The following TRIO variants were observed in gnomAD, a reference collection of about 807,000 sequenced individuals.
TRIO encodes the protein triple functional domain protein.
In TRIO, 58 loss-of-function variants were observed where a neutral mutation model predicts 351.9. The observed-to-expected ratio is 0.16, with a 90% CI of 0.13 to 0.21. The LOEUF (loss-of-function observed/expected upper bound fraction) is 0.21. Ranked by LOEUF, TRIO falls within the 10% of genes least tolerant of loss-of-function variation. TRIO has a pLI of 1.00. For synonymous variants in TRIO, 1,758 were observed against 1,595.7 expected (o/e 1.10, Z -2.42); for missense variants, 3,201 against 4,027.8 (o/e 0.79, Z 5.56).
chr5:14,276,810 C>G (rs1441201606), intron 2 of TRIO, among the ~76,000 whole-genome samples: 1 of 152,210 alleles, frequency 6.6e-6, no homozygotes, highest in Non-Finnish European at 1.5e-5. Flanking sequence ...GTGAATCTAG[C>G]TGTTTCTGTG....
At chr5:14,170,162 T>G (rs986595153) in intron 1 of TRIO, among the ~76,000 whole-genome samples, 1 of 152,228 alleles carries the variant, frequency 6.6e-6, no homozygotes, top group Non-Finnish European at 1.5e-5. Context: ...ATAACATGTT[T>G]GGAAAGCCTT....
At chr5:14,399,141 A>G in intron 30 of TRIO, 71 bp downstream of exon 30, 1 of 1,400,422 alleles carries the variant, frequency 7.1e-7, no homozygotes, top group Admixed American at 1.7e-5. Context: ...GTAGAGAAGA[A>G]TTGTTCATTG....
Position 14,496,985 on chromosome 5 carries a change from C to T in TRIO, c.7987C>T (p.Arg2663Trp), listed in dbSNP as rs1367240779. The T allele has an allele frequency of 1.1e-5, 17 of 1,614,034 alleles. No individual in the cohort carries two copies. Among genetic ancestry groups the T allele is most frequent in the Middle Eastern group, 3.3e-4 (2 of 6,084 alleles). ...GKLENGYRKSREGLSNKVSVK... is the reference protein window; with the variant it reads ...GKLENGYRKSWEGLSNKVSVK... The stretch of plus-strand genomic sequence containing the variant: ...GTTAGAGAACGGTTATCGGAAGTCA[C>T]GGGAAGGACTCAGCAACAAGGTATC... The change falls in exon 50 of 57, where the codon CGG (arginine) becomes TGG (tryptophan). Residue 2663 changes from arginine (R) to tryptophan (W), a missense_variant. By Grantham distance (101) the Arg-to-Trp change is moderately radical. Transcript: ENST00000344204.
intron 12 of TRIO, 75 bp from the exon 13 acceptor site, chr5:14,359,282 T>G (rs112992261): frequency 6.5e-7 from 1 of 1,536,230 alleles, no homozygotes. Flanking sequence ...CCCTGAAGAT[T>G]TGCGTGGCCG....
intron 34 of TRIO, among the ~76,000 whole-genome samples, chr5:14,423,414 G>T (rs908860905): frequency 6.6e-6 from 1 of 152,180 alleles, no homozygotes; most frequent in Admixed American, 6.5e-5. Flanking sequence ...CCTTCCCATT[G>T]TCTCAACTTG....
At chr5:14,506,925 T>G (rs1002814074) in intron 55 of TRIO, among the ~76,000 whole-genome samples, 197 bp from the exon 56 acceptor site, 1 of 152,208 alleles carries the variant, frequency 6.6e-6, no homozygotes, top group Non-Finnish European at 1.5e-5. Context: ...GGAGACACCC[T>G]GTACCCCACT....
At chr5:14,277,508 A>G (rs1735638609) in intron 2 of TRIO, among the ~76,000 whole-genome samples, 1 of 152,166 alleles carries the variant, frequency 6.6e-6, no homozygotes. Context: ...TTGATTTCCT[A>G]TCTATAAAAT....
At chr5:14,259,948 A>G (rs1795246919) in intron 1 of TRIO, among the ~76,000 whole-genome samples, 1 of 152,234 alleles carries the variant, frequency 6.6e-6, no homozygotes, top group African/African-American at 2.4e-5. Context: ...GATGTATTGC[A>G]AATTACATTC....
rs979242094 is a variant in TRIO at position 14,509,641 on chromosome 5, A to T, written c.*1219A>T. 3.0e-6 allele frequency: 1 copy of T among 328,620 alleles called. No homozygotes were observed. The highest frequency in any genetic ancestry group is 5.9e-6 in the Non-Finnish European group (1 of 169,374). The allele number at this position is 328,620 out of a possible 1,614,324, so 20.4% of individuals were successfully genotyped here. ...TTGACGTTGAACTTTCTGTATAAAA[A>T]TTGGCTGGGTTTTGAGCTTTTGGTA... On this transcript the variant is annotated 3_prime_UTR_variant, in exon 57 of 57. Coordinates refer to ENST00000344204, the MANE Select transcript of TRIO (RefSeq NM_007118.4).
At position 14,316,504 on chromosome 5, in the gene TRIO, T is replaced by C. The variant is rs766804770; in HGVS notation, c.1501-9T>C. On this transcript the variant is annotated splice_polypyrimidine_tract_variant and intron_variant, in intron 8 of 56. Transcript: ENST00000344204. ...ATCGTGAAGAATCACTCATTTCTTT[T>C]GTGGGCAGGTCAGCCAAGATGGGAA... 9.9e-6 allele frequency: 16 copies of C among 1,613,420 alleles called. No individual in the cohort carries two copies. Among genetic ancestry groups the C allele is most frequent in the Non-Finnish European group, 1.3e-5 (15 of 1,179,858 alleles).
intron 18 of TRIO, among the ~76,000 whole-genome samples, chr5:14,373,647 T>C (rs1319003944): frequency 6.6e-6 from 1 of 152,230 alleles, no homozygotes. Context: ...GTTACCATAA[T>C]AACATCACAT....
chr5:14,380,188 C>G (rs1349614158), intron 20 of TRIO, among the ~76,000 whole-genome samples: 4 of 152,220 alleles, frequency 2.6e-5, no homozygotes, highest in Non-Finnish European at 5.9e-5. Context: ...CTCTCGGTTC[C>G]CTGTCTCCGT....
Position 14,460,980 on chromosome 5 carries a change from G to T in TRIO, c.5204-39G>T, listed in dbSNP as rs1753742433. On this transcript the variant is annotated intron_variant, in intron 34 of 56. Coordinates refer to ENST00000344204, the MANE Select transcript of TRIO (RefSeq NM_007118.4). ...GCATGGTCTTCACACCGGAGGGTCT[G>T]TGCGAGTCAGTGATACTCCCTCTCT... is the stretch of plus-strand genomic sequence containing the variant. The T allele has an allele frequency of 2.0e-6, 3 of 1,501,130 alleles. No homozygotes were observed. In the East Asian group the frequency reaches 7.4e-5, roughly 37 times the overall value. The allele number at this position is 1,501,130 out of a possible 1,614,324, so 93.0% of individuals were successfully genotyped here. A position where few individuals can be genotyped will look rare whatever the true frequency, so the allele number is the denominator to read the frequency against.
chr5:14,174,341 AC>A (rs1189787280), intron 1 of TRIO, among the ~76,000 whole-genome samples: 2 of 152,160 alleles, frequency 1.3e-5, no homozygotes, highest in Non-Finnish European at 2.9e-5. Context: ...ACCCCACCTC[AC>A]CCCAAGAGGA....
rs535314486 is a variant in TRIO, at chr5:14,265,489, G to A, written c.158-5336G>A. On this transcript the variant is annotated intron_variant, in intron 1 of 56. Transcript: ENST00000344204. The stretch of plus-strand genomic sequence containing the variant: ...TTTGATTCATCTTTCTGCCAGTTAT[G>A]TAAAAATACCATTTTTAACATAATA... Among the ~76,000 whole-genome samples, 91 of 152,158 alleles carry A rather than the reference G, an allele frequency of 6.0e-4. 1 individual carries two copies. Among genetic ancestry groups the A allele is most frequent in the Non-Finnish European group, 1.1e-3 (75 of 68,002 alleles).
intron 16 of TRIO, among the ~76,000 whole-genome samples, chr5:14,368,109 A>G (rs1339504306): frequency 6.6e-6 from 1 of 152,210 alleles, no homozygotes; most frequent in Non-Finnish European, 1.5e-5. Context: ...TGGCTCTTCT[A>G]GTGAAGACAG....
intron 8 of TRIO, among the ~76,000 whole-genome samples, chr5:14,310,524 G>C (rs1738824135): frequency 6.6e-6 from 1 of 152,248 alleles, no homozygotes; most frequent in African/African-American, 2.4e-5. Context: ...AGCTGGTTGA[G>C]CTCCTGTTTA....
chr5:14,430,950 G>C (rs1297325529), intron 34 of TRIO, among the ~76,000 whole-genome samples: 1 of 152,156 alleles, frequency 6.6e-6, no homozygotes, highest in Non-Finnish European at 1.5e-5. Flanking sequence ...GACCTCAGGT[G>C]ATCCGCCTTC....
At chr5:14,460,663 A>C (rs971716883) in intron 34 of TRIO, among the ~76,000 whole-genome samples, 1 of 152,216 alleles carries the variant, frequency 6.6e-6, no homozygotes, top group African/African-American at 2.4e-5. Flanking sequence ...AAATGATTTT[A>C]AAATTCTGTC....
Sources: gnomAD v4.1 joint callset for allele counts (sites outside exome capture counted in the v4.1 genomes callset) on GRCh38, gnomAD v4.1.1 for gene constraint, MANE v1.5 for transcripts, NCBI Gene and HGNC (gene_info 2026-07-23, HGNC 2026-07-21) for gene names.